CDH26: variants seen among roughly 807,000 people sequenced by gnomAD.
CDH26 encodes cadherin 26.
A neutral mutation model predicts 90.3 loss-of-function variants in CDH26; 83 were observed. The ratio of observed to expected loss-of-function variants is 0.92; its 90% CI spans 0.77 to 1.10. The LOEUF (loss-of-function observed/expected upper bound fraction) is 1.10, where lower values mean the gene tolerates loss of function less well. Among genes scored for constraint, CDH26 ranks in the 50% least tolerant of loss-of-function variants. CDH26 has a pLI of 0.00. For missense variants in CDH26, 1,013 were observed against 1,037.6 expected, an observed-to-expected ratio of 0.98 and a Z score of 0.33; for synonymous variants, 397 against 396.3, an observed-to-expected ratio of 1.00 and a Z score of -0.02.
At chr20:59,990,366 A>G (rs2061513576) in intron 9 of CDH26, among the ~76,000 whole-genome samples, 1 of 152,178 alleles carries the variant, frequency 6.6e-6, no homozygotes, top group Non-Finnish European at 1.5e-5. Context: ...TCATGGGGAC[A>G]GAAAGGGGTC....
Position 59,968,964 on chromosome 20 carries a change from A to G in CDH26, c.70-3A>G. The G allele has an allele frequency of 4.6e-6, 7 of 1,507,392 alleles. No homozygotes were observed. The highest frequency in any genetic ancestry group is 6.4e-6 in the Non-Finnish European group (7 of 1,090,480). 93.4% of individuals were successfully genotyped at this position (1,507,392 alleles called of 1,614,324 possible). ...ACTAATTAATATTATTTTTATTTTT[A>G]AGGTCAGTATCATTGACAGTGTTCA... On this transcript the variant is annotated splice_polypyrimidine_tract_variant and splice_region_variant and intron_variant, in intron 1 of 17. Transcript: ENST00000348616.
At chr20:59,966,446 C>T (rs182935505) in intron 1 of CDH26, among the ~76,000 whole-genome samples, 71 of 152,288 alleles carry the variant, frequency 4.7e-4, no homozygotes, top group Middle Eastern at 3.4e-3. Context: ...CATGAGTTCT[C>T]AAGCGATTAC....
At chr20:60,012,391 T>C (rs551972039) in intron 17 of CDH26, 136 bp from the exon 18 acceptor site, 2 of 730,876 alleles carry the variant, frequency 2.7e-6, no homozygotes, top group Non-Finnish European at 4.4e-6. Context: ...CTGTACGAAC[T>C]CCTGTGTCAG....
chr20:60,023,008 T>C (rs573542497), intron 7 of CDH26, among the ~76,000 whole-genome samples: 47 of 152,376 alleles, frequency 3.1e-4, no homozygotes, highest in Non-Finnish European at 5.9e-4. Context: ...GCTATGTGAC[T>C]AAATTCTGGC....
At chr20:59,997,517 T>A (rs925473874) in intron 13 of CDH26, among the ~76,000 whole-genome samples, 1 of 152,270 alleles carries the variant, frequency 6.6e-6, no homozygotes, top group Non-Finnish European at 1.5e-5. Flanking sequence ...CAATGGCCAC[T>A]GGTTTTTCAA....
chr20:59,967,311 T>A (rs1298428293), intron 1 of CDH26, among the ~76,000 whole-genome samples: 1 of 152,200 alleles, frequency 6.6e-6, no homozygotes, highest in Non-Finnish European at 1.5e-5. Context: ...CATCATTATG[T>A]CATTCTCTAT....
intron 14 of CDH26, among the ~76,000 whole-genome samples, chr20:60,000,806 C>T (rs1234421594): frequency 6.6e-6 from 1 of 152,196 alleles, no homozygotes; most frequent in African/African-American, 2.4e-5. Context: ...CACACTTTCT[C>T]TAAGTGAAGC....
rs141447925 is a variant in CDH26, at chr20:60,000,078, AAAGAGCAGGC to A, written c.2097+419_2097+428del. Among the ~76,000 whole-genome samples the A allele has an allele frequency of 3.1e-3, 469 of 152,342 alleles. 1 individual carries two copies. The highest frequency in any genetic ancestry group is 0.01 in the African/African-American group (436 of 41,582). ...TAAATGAAAACAGTTTTACTTGTAT[AAAGAGCAGGC>A]AAGTGTGAAGATAGCCATGAAAGAA... On this transcript the variant is annotated intron_variant, in intron 14 of 17. Transcript: ENST00000348616.
At chr20:59,997,555 A>C (rs988809454) in intron 13 of CDH26, among the ~76,000 whole-genome samples, 3 of 152,244 alleles carry the variant, frequency 2.0e-5, no homozygotes, top group African/African-American at 7.2e-5. Context: ...TGGGCCCTAC[A>C]TTATCTTAGT....
chr20:59,970,271 G>C lies in CDH26; in HGVS notation c.231+85G>C, dbSNP rs1022374863. ...TGGCCAGGAAGATTAAGTCTTGAAAGGTTATGTGCTAGTGAGGCCAGGGAG... is the reference window on the plus strand; with the variant it reads ...TGGCCAGGAAGATTAAGTCTTGAAACGTTATGTGCTAGTGAGGCCAGGGAG... On this transcript the variant is annotated intron_variant, in intron 3 of 17. Transcript: ENST00000348616. 2.6e-6 allele frequency: 4 copies of C among 1,545,958 alleles called. No homozygotes were observed. The African/African-American group carries it at 4.1e-5, about 16-fold the overall frequency.
At chr20:59,972,267 C>T in intron 4 of CDH26, 144 bp downstream of exon 4, 1 of 722,198 alleles carries the variant, frequency 1.4e-6, no homozygotes, top group Admixed American at 2.9e-5. Flanking sequence ...TACGAGTATG[C>T]CTGAGACTTT....
chr20:59,969,884 C>T (rs1464453224), intron 2 of CDH26, among the ~76,000 whole-genome samples, 198 bp from the exon 3 acceptor site: 2 of 151,136 alleles, frequency 1.3e-5, no homozygotes, highest in Admixed American at 1.3e-4. Flanking sequence ...ACAGCATCCA[C>T]CCCGTGGTTA....
chr20:60,022,767 TGAA>T (rs2146031760), intron 7 of CDH26, among the ~76,000 whole-genome samples: 1 of 152,114 alleles, frequency 6.6e-6, no homozygotes, highest in African/African-American at 2.4e-5. Context: ...AAATCTGCTA[TGAA>T]GAAGGAGAAG....
At position 60,006,740 on chromosome 20, in the gene CDH26, C is replaced by A. The variant is rs777726326; in HGVS notation, c.2248C>A (p.Gln750Lys). ...PAYPDATMHR[Q>K]LLAPVEGRMA... ...TTACCCAGATGCCACAATGCACAGA[C>A]AACTCCTGGCTCCGGTGGAAGGAAG... The change falls in exon 17 of 18, where the codon CAA (glutamine) becomes AAA (lysine). Residue 750 changes from glutamine (Q) to lysine (K), a missense_variant. By Grantham distance (53) the Gln-to-Lys change is moderately conservative (BLOSUM62 1). Transcript: ENST00000348616. 3.1e-6 allele frequency: 5 copies of A among 1,614,104 alleles called. No homozygotes were observed. The highest frequency in any genetic ancestry group is 4.2e-6 in the Non-Finnish European group (5 of 1,179,968).
intron 16 of CDH26, among the ~76,000 whole-genome samples, chr20:60,004,305 T>C (rs565942723): frequency 2.6e-4 from 40 of 152,282 alleles, no homozygotes; most frequent in African/African-American, 8.2e-4. Flanking sequence ...GTTAGGTGAT[T>C]TCATCACTGT....
At chr20:60,006,229 A>C (rs2061747975) in intron 16 of CDH26, among the ~76,000 whole-genome samples, 1 of 152,182 alleles carries the variant, frequency 6.6e-6, no homozygotes, top group Non-Finnish European at 1.5e-5. Flanking sequence ...CTTCCAGTAG[A>C]TGCCAAGCCT....
chr20:59,969,332 A>T (rs1336122718), intron 2 of CDH26, among the ~76,000 whole-genome samples: 11 of 152,150 alleles, frequency 7.2e-5, no homozygotes, highest in Admixed American at 7.2e-4. Flanking sequence ...CATATTTTCC[A>T]TTGCAGCAGT....
chr20:60,021,885 C>CATAT (rs1308262740), intron 7 of CDH26, among the ~76,000 whole-genome samples: 1 of 53,264 alleles, frequency 1.9e-5, no homozygotes, highest in Admixed American at 2.4e-4. Flanking sequence ...CACACACACA[C>CATAT]ACACACACAC....
At chr20:59,994,165 T>A in intron 10 of CDH26, 85 bp from the exon 11 acceptor site, 2 of 1,539,956 alleles carry the variant, frequency 1.3e-6, no homozygotes, top group Non-Finnish European at 1.8e-6. Context: ...AGGAATATTT[T>A]TTTTCTGAGA....
Sources: gnomAD v4.1 joint callset for allele counts (sites outside exome capture counted in the v4.1 genomes callset) on GRCh38, gnomAD v4.1.1 for gene constraint, MANE v1.5 for transcripts, NCBI Gene and HGNC (gene_info 2026-07-23, HGNC 2026-07-21) for gene names.